MED13L: variants seen among roughly 807,000 people sequenced by gnomAD.
MED13L encodes mediator of RNA polymerase II transcription subunit 13-like.
In MED13L, 7 loss-of-function variants were observed where a neutral mutation model predicts 220.9. The observed-to-expected ratio is 0.03, with a 90% confidence interval of 0.02 to 0.06. The LOEUF is 0.06. Among genes scored for constraint, MED13L ranks in the 10% least tolerant of loss-of-function variants. The pLI is 1.00. For synonymous variants in MED13L, 1,011 were observed against 1,015.2 expected (o/e 1.00, Z 0.08); for missense variants, 1,965 against 2,760.5 (o/e 0.71, Z 6.46).
intron 4 of MED13L, among the ~76,000 whole-genome samples, chr12:116,091,868 AT>A (rs1872245815): frequency 6.6e-6 from 1 of 152,122 alleles, no homozygotes; most frequent in African/African-American, 2.4e-5. Context: ...CTTGGTTCTC[AT>A]TTCCAGTTGA....
intron 1 of MED13L, among the ~76,000 whole-genome samples, chr12:116,264,133 A>C (rs537515939): frequency 2.6e-4 from 39 of 152,326 alleles, no homozygotes; most frequent in African/African-American, 8.9e-4. Context: ...CAGAACTAAA[A>C]TAATAAACTG....
intron 1 of MED13L, among the ~76,000 whole-genome samples, chr12:116,255,754 T>A (rs1483128575): frequency 6.6e-6 from 1 of 152,214 alleles, no homozygotes; most frequent in Non-Finnish European, 1.5e-5. Context: ...AATATGCACA[T>A]GCAATGATGT....
At chr12:116,153,654 T>C (rs995889758) in intron 2 of MED13L, among the ~76,000 whole-genome samples, 5 of 152,198 alleles carry the variant, frequency 3.3e-5, no homozygotes, top group Non-Finnish European at 5.9e-5. Context: ...AAGTAAATGA[T>C]TCCTTTTGAA....
At chr12:116,004,699 C>CT (rs936773281) in intron 13 of MED13L, among the ~76,000 whole-genome samples, 2 of 152,110 alleles carry the variant, frequency 1.3e-5, no homozygotes, top group African/African-American at 4.8e-5. Context: ...ATGTCCCTCC[C>CT]CCTTCCTCTC....
Position 115,991,742 on chromosome 12 carries a change from G to A in MED13L, c.3212C>T (p.Ser1071Phe). The change falls in exon 17 of 31, where the codon TCT (serine) becomes TTT (phenylalanine). Residue 1071 changes from serine (S) to phenylalanine (F), a missense_variant. Around this residue, in one of 10 missense-constraint regions of MED13L, gnomAD observed 233 missense variants for 306.2 expected, o/e 0.76. Transcript: ENST00000281928. The surrounding 1 kb of genome is among the most constrained non-coding windows in gnomAD (Gnocchi z 7.7). ...TTGATCGGTGCTATCATACTTAACA[G>A]ACCCTTGACCACTGGCAGTGCCCCC... ...RGGGTASGQG[S>F]VKYDSTDQGS... 6.2e-7 allele frequency: 1 copy of A among 1,613,946 alleles called. No individual in the cohort carries two copies.
chr12:116,258,449 C>A lies in MED13L; in HGVS notation c.72+18611G>T, dbSNP rs145678109. 3.3e-5 allele frequency among the ~76,000 whole-genome samples: 5 copies of A among 152,140 alleles called. No individual in the cohort carries two copies. The East Asian group carries it at 5.8e-4, about 18-fold the overall frequency. ...AAAGGTCTGACTTGAAATACAGATTCCTTTTAGTGAGTGGTTGGAAATTTT... is the reference window on the plus strand; with the variant it reads ...AAAGGTCTGACTTGAAATACAGATTACTTTTAGTGAGTGGTTGGAAATTTT... On this transcript the variant is annotated intron_variant, in intron 1 of 30. Transcript: ENST00000281928.
intron 2 of MED13L, among the ~76,000 whole-genome samples, chr12:116,209,798 AC>A (rs1361233792): frequency 6.6e-6 from 1 of 152,104 alleles, no homozygotes; most frequent in Non-Finnish European, 1.5e-5. Context: ...GAGCCCTCAA[AC>A]TTTGGTAAAG....
intron 4 of MED13L, among the ~76,000 whole-genome samples, chr12:116,025,176 A>G (rs1367059277): frequency 6.6e-6 from 1 of 152,216 alleles, no homozygotes; most frequent in Non-Finnish European, 1.5e-5. Context: ...AAATCGCAGT[A>G]AGATATCCCT....
At position 115,959,218 on chromosome 12, in the gene MED13L, TCTTAA is replaced by T. The variant is rs1324900322; in HGVS notation, c.*2043_*2047del. On this transcript the variant is annotated 3_prime_UTR_variant, in exon 31 of 31. Transcript: ENST00000281928. Reference sequence around the variant, plus strand: ...AACGTATAAATATGTCACCAGCTTTTCTTAACTTAAAAAACTTAAATAAAAGACAC... The same window carrying T: ...AACGTATAAATATGTCACCAGCTTTTCTTAAAAAACTTAAATAAAAGACAC... The T allele has an allele frequency of 6.6e-6, 1 of 152,588 alleles. No individual in the cohort carries two copies. Among genetic ancestry groups the T allele is most frequent in the Admixed American group, 6.5e-5 (1 of 15,282 alleles). 9.5% of individuals were successfully genotyped at this position (152,588 alleles called of 1,614,324 possible). A position where few individuals can be genotyped will look rare whatever the true frequency, so the allele number is the denominator to read the frequency against.
At chr12:116,085,094 T>A (rs1871533272) in intron 4 of MED13L, among the ~76,000 whole-genome samples, 1 of 152,206 alleles carries the variant, frequency 6.6e-6, no homozygotes, top group African/African-American at 2.4e-5. Context: ...TGCCTAACAA[T>A]GTTCCCTCTA....
At position 115,983,326 on chromosome 12, in the gene MED13L, G is replaced by T; in HGVS notation, c.4746C>A (p.Ser1582=). 1 of 1,614,210 alleles carries T rather than the reference G, an allele frequency of 6.2e-7. No individual in the cohort carries two copies. The highest frequency in any genetic ancestry group is 1.1e-5 in the South Asian group (1 of 91,088). The change falls in exon 21 of 31, where the codon TCC becomes TCA. Residue 1582 remains serine (S), a synonymous_variant. Transcript: ENST00000281928. The part of the protein sequence containing the change: ...NPAASSSASG[S]SVPPVSSSAS... ...CAGACGATGAGACCGGTGGCACAGA[G>T]GAACCAGATGCAGAACTACTTGCTG...
intron 23 of MED13L, 21 bp downstream of exon 23, chr12:115,980,729 T>C (rs754435553): frequency 2.8e-5 from 45 of 1,613,254 alleles, no homozygotes; most frequent in Non-Finnish European, 3.6e-5. Context: ...TTTTCTAAGT[T>C]TCTGTCCTGC....
At chr12:116,266,520 C>G (rs1177283046) in intron 1 of MED13L, among the ~76,000 whole-genome samples, 1 of 152,208 alleles carries the variant, frequency 6.6e-6, no homozygotes, top group African/African-American at 2.4e-5. Context: ...AGCTCCCGCT[C>G]TGACTGCCAG....
chr12:116,039,090 A>G (rs1881371475), intron 4 of MED13L, among the ~76,000 whole-genome samples: 1 of 152,238 alleles, frequency 6.6e-6, no homozygotes, highest in Admixed American at 6.5e-5. Flanking sequence ...CAACTACTGT[A>G]TAACATAAAA....
At chr12:116,016,376 A>G (rs1252984523) in intron 7 of MED13L, among the ~76,000 whole-genome samples, 1 of 152,176 alleles carries the variant, frequency 6.6e-6, no homozygotes, top group Non-Finnish European at 1.5e-5. Context: ...TTACTATATT[A>G]CAAATGAGAT....
intron 2 of MED13L, among the ~76,000 whole-genome samples, chr12:116,144,500 TA>T (rs1877323794): frequency 6.6e-6 from 1 of 152,244 alleles, no homozygotes; most frequent in Admixed American, 6.5e-5. Flanking sequence ...CCCCAAAACA[TA>T]AAATCTTGGC....
intron 2 of MED13L, among the ~76,000 whole-genome samples, chr12:116,167,424 G>A (rs558358959): frequency 6.6e-6 from 1 of 152,290 alleles, no homozygotes; most frequent in Admixed American, 6.5e-5. Context: ...AGTAGATACT[G>A]TGTAACATTA....
intron 1 of MED13L, among the ~76,000 whole-genome samples, chr12:116,274,116 C>T (rs1023552049): frequency 6.6e-6 from 1 of 152,082 alleles, no homozygotes; most frequent in African/African-American, 2.4e-5. Flanking sequence ...ATACAATGAC[C>T]CATATCATAT....
chr12:116,055,305 A>G (rs1299903760), intron 4 of MED13L, among the ~76,000 whole-genome samples: 1 of 152,242 alleles, frequency 6.6e-6, no homozygotes, highest in Non-Finnish European at 1.5e-5. Context: ...TTAATTGTAT[A>G]TTTCAATAAA....
Sources: allele counts gnomAD v4.1 joint callset (sites outside exome capture counted in the v4.1 genomes callset), GRCh38; gene constraint gnomAD v4.1.1; regional missense constraint gnomAD v4.1.1; non-coding constraint Gnocchi (gnomAD v3.1); transcripts MANE v1.5; gene names NCBI Gene and HGNC (gene_info 2026-07-23, HGNC 2026-07-21).